Variants in MRRF observed in about 807,000 individuals in gnomAD.
MRRF encodes mitochondrial ribosome recycling factor, also known as ribosome-recycling factor, mitochondrial.
Under a neutral mutation model 25.1 loss-of-function variants are expected in MRRF, and 18 were observed. The ratio of observed to expected loss-of-function variants is 0.72; its 90% CI spans 0.50 to 1.06. The LOEUF (loss-of-function observed/expected upper bound fraction) is 1.06, where lower values mean the gene tolerates loss of function less well. Among genes scored for constraint, MRRF ranks in the 50% least tolerant of loss-of-function variants. MRRF has a pLI of 0.00. For missense variants in MRRF, 323 were observed against 319.3 expected (o/e 1.01, Z -0.09); for synonymous variants, 113 against 112.1 (o/e 1.01, Z -0.05).
chr9:122,299,354 A>T (rs988657616), intron 5 of MRRF, among the ~76,000 whole-genome samples: 3 of 151,756 alleles, frequency 2.0e-5, no homozygotes, highest in African/African-American at 7.3e-5. Context: ...ACCTCAAGTG[A>T]TCCACCCATT....
intron 5 of MRRF, among the ~76,000 whole-genome samples, chr9:122,296,448 A>G (rs1277184687): frequency 6.6e-6 from 1 of 152,200 alleles, no homozygotes; most frequent in African/African-American, 2.4e-5. Flanking sequence ...TTTCTCCCCA[A>G]ATTCTTACAA....
At position 122,322,674 on chromosome 9, in the gene MRRF, G is replaced by A. The variant is rs1188243611; in HGVS notation, c.*57G>A. 1 of 1,481,248 alleles carries A rather than the reference G, an allele frequency of 6.8e-7. No homozygotes were observed. The highest frequency in any genetic ancestry group is 1.4e-5 in the African/African-American group (1 of 72,186). The allele number at this position is 1,481,248 out of a possible 1,614,324, so 91.8% of individuals were successfully genotyped here. The stretch of plus-strand genomic sequence containing the variant: ...CCAGTTTCTGCTGGATCCCATGGGT[G>A]GCACATTGGGACTTCTCTCCCTCCC... On this transcript the variant is annotated 3_prime_UTR_variant, in exon 7 of 7. Transcript: ENST00000344641.
chr9:122,278,136 CCT>C (rs942398496), intron 2 of MRRF, among the ~76,000 whole-genome samples: 3 of 149,954 alleles, frequency 2.0e-5, no homozygotes, highest in Non-Finnish European at 4.4e-5. Flanking sequence ...TTTCTTTATC[CCT>C]CTCTCTCTCT....
intron 5 of MRRF, among the ~76,000 whole-genome samples, chr9:122,304,099 A>ACACACACACACACACC (rs1397120349): frequency 6.8e-6 from 1 of 147,344 alleles, no homozygotes; most frequent in South Asian, 2.2e-4. Context: ...ACACACACAC[A>ACACACACACACACACC]CCCTTTAGGG....
intron 6 of MRRF, among the ~76,000 whole-genome samples, chr9:122,317,663 C>T (rs1835621047): frequency 6.6e-6 from 1 of 152,054 alleles, no homozygotes; most frequent in South Asian, 2.1e-4. Context: ...GTCACATGCA[C>T]ATGGGGTTGG....
Position 122,326,331 on chromosome 9 carries a change from T to G in MRRF, c.*3714T>G, listed in dbSNP as rs1303170377. 1 of 151,742 alleles carries G rather than the reference T, an allele frequency of 6.6e-6. No individual in the cohort carries two copies. Among genetic ancestry groups the G allele is most frequent in the Non-Finnish European group, 1.5e-5 (1 of 67,956 alleles). 9.4% of individuals were successfully genotyped at this position (151,742 alleles called of 1,614,324 possible). On this transcript the variant is annotated 3_prime_UTR_variant, in exon 7 of 7. Transcript: ENST00000344641. ...TTCACCATGTTGGCCAGGCTGGTCT[T>G]GAACTCCTGACTCAGGTGATCCACC...
intron 1 of MRRF, among the ~76,000 whole-genome samples, chr9:122,266,198 A>G (rs1463014356): frequency 6.6e-6 from 1 of 152,222 alleles, no homozygotes; most frequent in East Asian, 1.9e-4. Context: ...TCCTTGTAGT[A>G]CTTAGAGTCA....
intron 4 of MRRF, among the ~76,000 whole-genome samples, chr9:122,289,264 A>G: frequency 6.6e-6 from 1 of 152,214 alleles, no homozygotes; most frequent in Non-Finnish European, 1.5e-5. Context: ...AGTTTTTCTA[A>G]TACATCTGAA....
At chr9:122,305,926 G>C (rs1488388409) in intron 5 of MRRF, among the ~76,000 whole-genome samples, 1 of 152,180 alleles carries the variant, frequency 6.6e-6, no homozygotes, top group Non-Finnish European at 1.5e-5. Flanking sequence ...TGTGCCAACT[G>C]TTGTTCCAGG....
At position 122,322,675 on chromosome 9, in the gene MRRF, G is replaced by A; in HGVS notation, c.*58G>A. 1 of 1,484,760 alleles carries A rather than the reference G, an allele frequency of 6.7e-7. No homozygotes were observed. The highest frequency in any genetic ancestry group is 9.4e-7 in the Non-Finnish European group (1 of 1,065,744). 92.0% of individuals were successfully genotyped at this position (1,484,760 alleles called of 1,614,324 possible). On this transcript the variant is annotated 3_prime_UTR_variant, in exon 7 of 7. Coordinates refer to ENST00000344641, the MANE Select transcript of MRRF (RefSeq NM_138777.5). Reference sequence around the variant, plus strand: ...CAGTTTCTGCTGGATCCCATGGGTGGCACATTGGGACTTCTCTCCCTCCCC... The same window carrying A: ...CAGTTTCTGCTGGATCCCATGGGTGACACATTGGGACTTCTCTCCCTCCCC...
rs940012392 is a variant in MRRF, at chr9:122,327,856, A to G, written c.*5239A>G. ...TGATTTTTAAGCTTTCAGAATCACTATTTTAGGTGTTTCTTTTTTTTTTTG... is the reference window on the plus strand; with the variant it reads ...TGATTTTTAAGCTTTCAGAATCACTGTTTTAGGTGTTTCTTTTTTTTTTTG... On this transcript the variant is annotated 3_prime_UTR_variant, in exon 7 of 7. Transcript: ENST00000344641. The G allele has an allele frequency of 4.4e-4, 64 of 145,580 alleles. No individual in the cohort carries two copies. The highest frequency in any genetic ancestry group is 1.6e-3 in the African/African-American group (63 of 39,904). The allele number at this position is 145,580 out of a possible 1,614,324, so 9.0% of individuals were successfully genotyped here.
At chr9:122,288,536 C>T (rs571787540) in intron 4 of MRRF, among the ~76,000 whole-genome samples, 1 of 152,308 alleles carries the variant, frequency 6.6e-6, no homozygotes, top group African/African-American at 2.4e-5. Context: ...CTCCTTTCAC[C>T]ATTCGTTTGT....
At chr9:122,309,666 G>A (rs1034798120) in intron 5 of MRRF, among the ~76,000 whole-genome samples, 1 of 152,166 alleles carries the variant, frequency 6.6e-6, no homozygotes, top group Non-Finnish European at 1.5e-5. Context: ...TAATTTGCAT[G>A]TGTTTGTGTA....
At chr9:122,270,822 A>T in intron 1 of MRRF, 42 bp from the exon 2 acceptor site, 1 of 1,509,226 alleles carries the variant, frequency 6.6e-7, no homozygotes, top group Non-Finnish European at 9.2e-7. Context: ...CTTTGTACTT[A>T]GATCTTTTAC....
At chr9:122,320,998 T>A in intron 6 of MRRF, among the ~76,000 whole-genome samples, 1 of 152,226 alleles carries the variant, frequency 6.6e-6, no homozygotes, top group Admixed American at 6.5e-5. Context: ...GCAGAAAATT[T>A]GGAAAATATA....
chr9:122,303,288 A>T (rs917025368), intron 5 of MRRF, among the ~76,000 whole-genome samples: 9 of 146,622 alleles, frequency 6.1e-5, no homozygotes, highest in East Asian at 1.9e-4. Context: ...TAAATATATT[A>T]TATATATATA....
chr9:122,291,869 G>T (rs564147807), intron 5 of MRRF, 29 bp downstream of exon 5: 1 of 1,506,302 alleles, frequency 6.6e-7, no homozygotes, highest in African/African-American at 1.4e-5. Flanking sequence ...CACATATTTT[G>T]ATGAAACGGG....
rs934522440 is a variant in MRRF at position 122,329,500 on chromosome 9, G to A, written c.*6883G>A. The A allele has an allele frequency of 1.3e-5, 2 of 152,142 alleles. No individual in the cohort carries two copies. Among genetic ancestry groups the A allele is most frequent in the African/African-American group, 2.4e-5 (1 of 41,424 alleles). The allele number at this position is 152,142 out of a possible 1,614,324, so 9.4% of individuals were successfully genotyped here. On this transcript the variant is annotated 3_prime_UTR_variant, in exon 7 of 7. Coordinates refer to ENST00000344641, the MANE Select transcript of MRRF (RefSeq NM_138777.5). The stretch of plus-strand genomic sequence containing the variant: ...CTAAACCTGCCTATGCCTATTAAGC[G>A]CTTGGATTTGCCTCAAGCATCTGAC...
At chr9:122,269,055 A>C (rs1008276128) in intron 1 of MRRF, among the ~76,000 whole-genome samples, 2 of 151,778 alleles carry the variant, frequency 1.3e-5, no homozygotes, top group Admixed American at 6.6e-5. Context: ...AGTCCCAGCT[A>C]CTTGGGAGGC....
Sources: gnomAD v4.1 joint callset for allele counts (sites outside exome capture counted in the v4.1 genomes callset) on GRCh38, gnomAD v4.1.1 for gene constraint, MANE v1.5 for transcripts, NCBI Gene and HGNC (gene_info 2026-07-23, HGNC 2026-07-21) for gene names.